The following GMDS variants were observed in gnomAD, a reference collection of about 807,000 sequenced individuals.
GMDS encodes GDP-mannose 4,6 dehydratase.
A neutral mutation model predicts 49.9 loss-of-function variants in GMDS; 20 were observed. The observed-to-expected ratio is 0.40, with a 90% CI of 0.28 to 0.58. GMDS has a LOEUF of 0.58. Ranked by LOEUF, GMDS falls within the 20% of genes least tolerant of loss-of-function variation. The pLI is 0.42. For missense variants in GMDS, 362 were observed against 481.4 expected (o/e 0.75, Z 2.32); for synonymous variants, 177 against 178.6 (o/e 0.99, Z 0.07).
At chr6:1,713,280 C>T (rs1017357552) in intron 9 of GMDS, among the ~76,000 whole-genome samples, 1 of 152,252 alleles carries the variant, frequency 6.6e-6, no homozygotes, top group Non-Finnish European at 1.5e-5. Flanking sequence ...GTGTCCTCGC[C>T]TCCACTGGAC....
At chr6:1,756,775 C>G (rs1767965213) in intron 7 of GMDS, among the ~76,000 whole-genome samples, 1 of 152,226 alleles carries the variant, frequency 6.6e-6, no homozygotes, top group Non-Finnish European at 1.5e-5. Flanking sequence ...GCTAAGCGTT[C>G]TGACATTGTT....
chr6:2,053,750 A>C (rs1274273960), intron 4 of GMDS, among the ~76,000 whole-genome samples: 2 of 152,092 alleles, frequency 1.3e-5, no homozygotes, highest in Non-Finnish European at 2.9e-5. Context: ...CAGTTCCTAT[A>C]TGATCAAGCA....
At chr6:1,646,171 C>T (rs1282011088) in intron 9 of GMDS, among the ~76,000 whole-genome samples, 1 of 152,230 alleles carries the variant, frequency 6.6e-6, no homozygotes, top group Non-Finnish European at 1.5e-5. Context: ...TCCTTCTTCT[C>T]TATTTTGCCA....
Position 1,960,762 on chromosome 6 carries a change from G to A in GMDS, c.538+12C>T, listed in dbSNP as rs777120989. ...GCCACACATGTGCTCCGGTGTGCAC[G>A]CATGTTCTCACCATAGGGTGACCGG... On this transcript the variant is annotated intron_variant, in intron 5 of 10. Transcript: ENST00000380815. 1.2e-5 allele frequency: 19 copies of A among 1,542,484 alleles called. No individual in the cohort carries two copies. The highest frequency in any genetic ancestry group is 6.8e-5 in the African/African-American group (5 of 73,896).
chr6:1,981,215 G>A (rs1298294103), intron 4 of GMDS, among the ~76,000 whole-genome samples: 29 of 147,906 alleles, frequency 2.0e-4, no homozygotes, highest in African/African-American at 7.3e-4. Context: ...AGAAGACAGA[G>A]ACATGAAAAA....
At chr6:1,716,673 C>G (rs1250843305) in intron 9 of GMDS, among the ~76,000 whole-genome samples, 1 of 152,092 alleles carries the variant, frequency 6.6e-6, no homozygotes, top group African/African-American at 2.4e-5. Context: ...CAGACTGGGC[C>G]ACCCACCCAC....
At chr6:1,811,116 CT>C (rs1204390026) in intron 7 of GMDS, among the ~76,000 whole-genome samples, 2 of 152,146 alleles carry the variant, frequency 1.3e-5, no homozygotes, top group Non-Finnish European at 2.9e-5. Flanking sequence ...TTACAGTCTT[CT>C]TTTGGTTTTC....
chr6:2,038,200 G>A (rs1011291351), intron 4 of GMDS, among the ~76,000 whole-genome samples: 1 of 152,102 alleles, frequency 6.6e-6, no homozygotes, highest in African/African-American at 2.4e-5. Context: ...TTTTGTCCCA[G>A]CCTTGCATCA....
intron 6 of GMDS, among the ~76,000 whole-genome samples, chr6:1,954,660 C>T (rs1054420677): frequency 2.6e-4 from 40 of 152,198 alleles, no homozygotes; most frequent in Non-Finnish European, 4.9e-4. Context: ...TAAGAAGCAG[C>T]TCCTCATCAG....
chr6:2,109,894 A>G (rs1774448544), intron 4 of GMDS, among the ~76,000 whole-genome samples: 1 of 152,150 alleles, frequency 6.6e-6, no homozygotes, highest in Non-Finnish European at 1.5e-5. Context: ...ATGTTCTAAC[A>G]GCTTCTCTTT....
intron 9 of GMDS, among the ~76,000 whole-genome samples, chr6:1,709,492 G>A (rs1765872532): frequency 6.6e-6 from 1 of 152,224 alleles, no homozygotes. Flanking sequence ...TGGAGGAAGT[G>A]ACAATGAGGC....
chr6:1,686,449 G>C (rs62388303), intron 9 of GMDS, among the ~76,000 whole-genome samples: 19,458 of 152,172 alleles, frequency 0.13, 1,689 homozygotes, highest in Non-Finnish European at 0.18. Flanking sequence ...AGTGTCACTG[G>C]GATCTCTGAC....
At chr6:2,134,642 T>C (rs887015181) in intron 1 of GMDS, among the ~76,000 whole-genome samples, 2 of 152,236 alleles carry the variant, frequency 1.3e-5, no homozygotes, top group Non-Finnish European at 2.9e-5. Flanking sequence ...CTTAAAATAC[T>C]TAAATGTCTA....
intron 7 of GMDS, among the ~76,000 whole-genome samples, chr6:1,835,567 G>T (rs947877249): frequency 2.0e-5 from 3 of 152,026 alleles, no homozygotes; most frequent in African/African-American, 7.3e-5. Flanking sequence ...TACTAAATTA[G>T]ATTTATGTCT....
intron 7 of GMDS, among the ~76,000 whole-genome samples, chr6:1,839,979 T>C (rs928580329): frequency 1.3e-5 from 2 of 152,204 alleles, no homozygotes; most frequent in African/African-American, 4.8e-5. Context: ...TGAGGTATGA[T>C]TTGGGAAGTG....
intron 4 of GMDS, among the ~76,000 whole-genome samples, chr6:2,026,852 A>G (rs1475658048): frequency 6.6e-6 from 1 of 152,220 alleles, no homozygotes. Context: ...TTACAGCTTC[A>G]TTAGTTTATT....
At chr6:2,206,980 ATTCAC>A (rs1340079811) in intron 1 of GMDS, among the ~76,000 whole-genome samples, 1 of 152,222 alleles carries the variant, frequency 6.6e-6, no homozygotes, top group African/African-American at 2.4e-5. Context: ...TAGTGGTGGT[ATTCAC>A]AGCCATGCCA....
At chr6:1,822,054 C>T (rs553354084) in intron 7 of GMDS, among the ~76,000 whole-genome samples, 1 of 152,090 alleles carries the variant, frequency 6.6e-6, no homozygotes, top group Non-Finnish European at 1.5e-5. Context: ...CTTCAAGTAC[C>T]ATTCTCAGAT....
chr6:1,737,912 A>C (rs1319352034), intron 8 of GMDS, among the ~76,000 whole-genome samples: 1 of 142,764 alleles, frequency 7.0e-6, no homozygotes, highest in Non-Finnish European at 1.5e-5. Flanking sequence ...CACACCACAC[A>C]CCACACACAG....
Sources: gnomAD v4.1 joint callset for allele counts (sites outside exome capture counted in the v4.1 genomes callset) on GRCh38, gnomAD v4.1.1 for gene constraint, MANE v1.5 for transcripts, NCBI Gene and HGNC (gene_info 2026-07-23, HGNC 2026-07-21) for gene names.